ULK4: variants seen among roughly 807,000 people sequenced by gnomAD.
ULK4 encodes unc-51 like kinase 4.
ULK4 carries 133 observed loss-of-function variants against 160.6 expected under a neutral mutation model. The observed-to-expected ratio is 0.83, with a 90% CI of 0.72 to 0.96. ULK4 has a LOEUF of 0.96. Ranked by LOEUF, ULK4 falls within the 40% of genes least tolerant of loss-of-function variation. ULK4 has a pLI of 0.00. For missense variants in ULK4, 1,580 were observed against 1,499.5 expected (o/e 1.05, Z -0.89); for synonymous variants, 534 against 539.8 (o/e 0.99, Z 0.15).
intron 25 of ULK4, among the ~76,000 whole-genome samples, chr3:41,713,232 G>A (rs1194414048): frequency 6.6e-6 from 1 of 152,192 alleles, no homozygotes; most frequent in Non-Finnish European, 1.5e-5. Flanking sequence ...TGGATGAGTA[G>A]ACTAGACCTC....
At chr3:41,590,755 A>G (rs2031237607) in intron 31 of ULK4, among the ~76,000 whole-genome samples, 1 of 151,790 alleles carries the variant, frequency 6.6e-6, no homozygotes, top group Admixed American at 6.6e-5. Context: ...CTCGCAATAC[A>G]GTATATCCAA....
At chr3:41,883,992 G>A (rs752247187) in intron 16 of ULK4, 40 bp from the exon 17 acceptor site, 57 of 1,437,758 alleles carry the variant, frequency 4.0e-5, no homozygotes, top group Non-Finnish European at 4.8e-5. Context: ...AAGAAGAGTC[G>A]GGGACCGAGG....
chr3:41,923,732 C>T (rs1186903763), intron 5 of ULK4, among the ~76,000 whole-genome samples: 1 of 152,180 alleles, frequency 6.6e-6, no homozygotes, highest in East Asian at 1.9e-4. Context: ...AACAGAGAGG[C>T]AATCAGGGAC....
intron 3 of ULK4, chr3:41,937,756 A>G (rs572642468): frequency 1.0e-5 from 2 of 197,790 alleles, no homozygotes; most frequent in South Asian, 3.4e-4. Flanking sequence ...TCATAAAAAC[A>G]AAGATACTTT....
intron 35 of ULK4, among the ~76,000 whole-genome samples, chr3:41,354,962 T>C (rs556008447): frequency 4.6e-5 from 7 of 152,188 alleles, no homozygotes; most frequent in African/African-American, 1.7e-4. Context: ...TCTGAATATG[T>C]GCCTCAAAGC....
chr3:41,831,096 C>T (rs1281922445), intron 18 of ULK4, among the ~76,000 whole-genome samples: 4 of 151,866 alleles, frequency 2.6e-5, no homozygotes, highest in South Asian at 2.1e-4. Context: ...GGCATGATCA[C>T]GGCTCACTGC....
At chr3:41,311,759 AG>A (rs1156461355) in intron 35 of ULK4, among the ~76,000 whole-genome samples, 1 of 151,384 alleles carries the variant, frequency 6.6e-6, no homozygotes, top group Non-Finnish European at 1.5e-5. Context: ...TAGTAGCGAC[AG>A]GGTTTCCCCA....
chr3:41,527,871 T>C (rs952020378), intron 32 of ULK4, among the ~76,000 whole-genome samples: 10 of 152,244 alleles, frequency 6.6e-5, no homozygotes, highest in Admixed American at 4.6e-4. Context: ...TTTTGTGATA[T>C]AGTTAGAACA....
Position 41,904,449 on chromosome 3 carries a change from A to AATAGATAG in ULK4, c.1182+3388_1182+3395dup, listed in dbSNP as rs143944576. Among the ~76,000 whole-genome samples the AATAGATAG allele has an allele frequency of 3.1e-4, 47 of 151,984 alleles. No homozygotes were observed. In the Middle Eastern group the frequency reaches 0.01, roughly 33 times the overall value. On this transcript the variant is annotated intron_variant, in intron 12 of 36. Transcript: ENST00000301831. ...TGTCTCAAAAATAAATAAATAAATA[A>AATAGATAG]ATAGATAGATAGATAGATATGTAAA...
intron 29 of ULK4, 41 bp downstream of exon 29, chr3:41,681,467 G>A (rs1254913368): frequency 6.2e-7 from 1 of 1,609,706 alleles, no homozygotes; most frequent in Non-Finnish European, 8.5e-7. Context: ...TTCCTGGATA[G>A]CCTACACTTC....
rs578106204 is a variant in ULK4, at chr3:41,648,290, G to A, written c.3071+15317C>T. On this transcript the variant is annotated intron_variant, in intron 30 of 36. Transcript: ENST00000301831. Reference sequence around the variant, plus strand: ...GCAGAAATCACCGGTCTTCTGTGTCGCTCACGCTGGGAGCTGTAGACCGGA... The same window carrying A: ...GCAGAAATCACCGGTCTTCTGTGTCACTCACGCTGGGAGCTGTAGACCGGA... 9.9e-5 allele frequency among the ~76,000 whole-genome samples: 15 copies of A among 152,254 alleles called. No homozygotes were observed. In the South Asian group the frequency reaches 1.7e-3, roughly 17 times the overall value.
intron 25 of ULK4, 119 bp downstream of exon 25, chr3:41,715,118 C>A: frequency 9.8e-7 from 1 of 1,023,550 alleles, no homozygotes; most frequent in Non-Finnish European, 1.5e-6. Context: ...AGGTCACTTC[C>A]CTAGAGACAA....
intron 35 of ULK4, among the ~76,000 whole-genome samples, chr3:41,358,263 C>T (rs76680066): frequency 0.01 from 1,524 of 152,246 alleles, 14 homozygotes; most frequent in African/African-American, 0.027. Flanking sequence ...AACCATATCC[C>T]TAGTACAATT....
chr3:41,406,998 T>C (rs9990202), intron 34 of ULK4, among the ~76,000 whole-genome samples: 32,951 of 152,034 alleles, frequency 0.22, 4,006 homozygotes, highest in African/African-American at 0.32. Context: ...GGGATCCCAG[T>C]GGATTCCTTA....
intron 17 of ULK4, among the ~76,000 whole-genome samples, chr3:41,858,824 C>A (rs2042433384): frequency 6.6e-6 from 1 of 151,910 alleles, no homozygotes. Context: ...TTTTCCCCCC[C>A]ATAGAAAGCA....
intron 20 of ULK4, among the ~76,000 whole-genome samples, chr3:41,792,286 T>G (rs1348992213): frequency 6.6e-6 from 1 of 151,804 alleles, no homozygotes; most frequent in East Asian, 1.9e-4. Flanking sequence ...GAGGTAGGGG[T>G]GTGTGTGTGT....
chr3:41,856,600 TATGTGTATATATATAC>T (rs1216323542), intron 17 of ULK4, among the ~76,000 whole-genome samples: 9 of 79,836 alleles, frequency 1.1e-4, no homozygotes, highest in African/African-American at 7.7e-4. Context: ...CATATATATA[TATGTGTATATATATAC>T]ACATATATAT....
chr3:41,656,471 T>TA (rs1171695430), intron 30 of ULK4, among the ~76,000 whole-genome samples: 9 of 152,290 alleles, frequency 5.9e-5, no homozygotes, highest in African/African-American at 2.2e-4. Flanking sequence ...TAAAAGTCTA[T>TA]TTATAAATCT....
At chr3:41,878,846 A>G (rs941668730) in intron 17 of ULK4, among the ~76,000 whole-genome samples, 2 of 152,110 alleles carry the variant, frequency 1.3e-5, no homozygotes, top group African/African-American at 4.8e-5. Context: ...CTCACTTCCT[A>G]TGAAGCAGTA....
Sources: allele counts gnomAD v4.1 joint callset (sites outside exome capture counted in the v4.1 genomes callset), GRCh38; gene constraint gnomAD v4.1.1; transcripts MANE v1.5; gene names NCBI Gene and HGNC (gene_info 2026-07-23, HGNC 2026-07-21).